ZNF541: variants seen among roughly 807,000 people sequenced by gnomAD.
ZNF541 encodes the protein zinc finger protein 541.
ZNF541 carries 23 observed loss-of-function variants against 123.5 expected under a neutral mutation model. The observed-to-expected ratio is 0.19, with a 90% CI of 0.13 to 0.26. The LOEUF is 0.26. Ranked by LOEUF, ZNF541 falls within the 10% of genes least tolerant of loss-of-function variation. The probability of loss-of-function intolerance (pLI) is 1.00; values close to 1 mark genes in which losing one functional copy is unlikely to be tolerated. For missense variants in ZNF541, 1,612 were observed against 1,789.9 expected (o/e 0.90, Z 1.79); for synonymous variants, 751 against 754.5 (o/e 1.00, Z 0.08).
intron 10 of ZNF541, 21 bp downstream of exon 10, chr19:47,532,888 A>C: frequency 6.5e-7 from 1 of 1,548,360 alleles, no homozygotes; most frequent in Non-Finnish European, 8.7e-7. Context: ...AAGCAGCTTC[A>C]CTGGAAAGGA....
intron 8 of ZNF541, 122 bp from the exon 9 acceptor site, chr19:47,538,561 C>T (rs1313927795): frequency 9.2e-7 from 1 of 1,092,864 alleles, no homozygotes; most frequent in South Asian, 1.8e-5. Flanking sequence ...GAAATGCACG[C>T]CCGGCAAAGG....
At position 47,544,426 on chromosome 19, in the gene ZNF541, G is replaced by A. The variant is rs1258880317; in HGVS notation, c.2103C>T (p.Thr701=). 4 of 1,551,500 alleles carry A rather than the reference G, an allele frequency of 2.6e-6. No homozygotes were observed. In the Admixed American group the frequency reaches 7.8e-5, roughly 30 times the overall value. The change falls in exon 5 of 17, where the codon ACC becomes ACT. Residue 701 remains threonine, a synonymous_variant. Coordinates refer to ENST00000391901, the MANE Select transcript of ZNF541 (RefSeq NM_001277075.3). ...DIFPSTGQRQ[T]QLGGEEPPGA... is the part of the protein sequence containing the mutation. Reference sequence around the variant, plus strand: ...CTGGTGGCTCCTCCCCACCTAACTGGGTCTGCCGTTGGCCTGTGGAGGGGA... The same window carrying A: ...CTGGTGGCTCCTCCCCACCTAACTGAGTCTGCCGTTGGCCTGTGGAGGGGA...
Position 47,545,336 on chromosome 19 carries a change from C to G in ZNF541, c.1193G>C (p.Arg398Pro). 6.5e-7 allele frequency: 1 copy of G among 1,547,374 alleles called. No individual in the cohort carries two copies. Among genetic ancestry groups the G allele is most frequent in the Non-Finnish European group, 8.7e-7 (1 of 1,145,616 alleles). Residue 398 changes from arginine (R) to proline (P), a missense_variant, in exon 5 of 17, where the codon CGA (arginine) becomes CCA (proline). Physicochemically the swap from Arg to Pro is moderately radical, Grantham distance 103 (BLOSUM62 -2). Coordinates refer to ENST00000391901, the MANE Select transcript of ZNF541 (RefSeq NM_001277075.3). The surrounding 1 kb of genome is among the most constrained non-coding windows in gnomAD (Gnocchi z 7.5). Reference protein sequence around the residue: ...GSVPACLPLFRGQTVPASSQP... With the variant: ...GSVPACLPLFPGQTVPASSQP... ...GGAACTGGCAGGGACCGTCTGGCCT[C>G]GGAAGAGAGGCAGGCAGGCAGGCAC...
At chr19:47,523,565 G>A (rs918182394) in intron 14 of ZNF541, among the ~76,000 whole-genome samples, 1 of 152,060 alleles carries the variant, frequency 6.6e-6, no homozygotes, top group African/African-American at 2.4e-5. Context: ...GAACAAGATG[G>A]AGCAACAGAA....
At chr19:47,542,217 A>G (rs2123098532) in intron 5 of ZNF541, among the ~76,000 whole-genome samples, 1 of 152,300 alleles carries the variant, frequency 6.6e-6, no homozygotes, top group African/African-American at 2.4e-5. Flanking sequence ...CGTGGCTGCC[A>G]GGCCCTGGGG....
Position 47,544,963 on chromosome 19 carries a change from C to T in ZNF541, c.1566G>A (p.Gln522=), listed in dbSNP as rs1970263277. Residue 522 remains glutamine, a synonymous_variant, in exon 5 of 17, where the codon CAG becomes CAA. Coordinates refer to ENST00000391901, the MANE Select transcript of ZNF541 (RefSeq NM_001277075.3). ...GGAGCCCGCCTGCCTTCTGGGCCTC[C>T]TGGAGGCCGGGCTCCCCGGGGTTCT... is the stretch of plus-strand genomic sequence containing the variant. The part of the protein sequence containing the change: ...LCQNPGEPGL[Q]EAQKAGGLPA... 1.3e-6 allele frequency: 2 copies of T among 1,533,826 alleles called. No homozygotes were observed. The highest frequency in any genetic ancestry group is 2.4e-5 in the South Asian group (2 of 83,916).
At chr19:47,550,645 T>C (rs1369093728) in intron 3 of ZNF541, among the ~76,000 whole-genome samples, 1 of 152,190 alleles carries the variant, frequency 6.6e-6, no homozygotes, top group African/African-American at 2.4e-5. Flanking sequence ...TCTTCAAATA[T>C]CTGAAGGGCC....
chr19:47,521,054 G>T lies in ZNF541; in HGVS notation c.*170C>A. On this transcript the variant is annotated 3_prime_UTR_variant, in exon 17 of 17. Coordinates refer to ENST00000391901, the MANE Select transcript of ZNF541 (RefSeq NM_001277075.3). The surrounding 1 kb of genome is among the most constrained non-coding windows in gnomAD (Gnocchi z 4.2). ...GGGACTGCATAGCTGTCCGACAACT[G>T]AGCTCCTCCTGCCTATCTGTGGCCA... The T allele has an allele frequency of 1.3e-6, 1 of 757,314 alleles. No homozygotes were observed. Among genetic ancestry groups the T allele is most frequent in the Non-Finnish European group, 2.1e-6 (1 of 480,084 alleles). The allele number at this position is 757,314 out of a possible 1,614,324, so 46.9% of individuals were successfully genotyped here.
At chr19:47,542,394 G>T (rs1388549453) in intron 5 of ZNF541, among the ~76,000 whole-genome samples, 1 of 152,150 alleles carries the variant, frequency 6.6e-6, no homozygotes, top group Non-Finnish European at 1.5e-5. Context: ...CATGACTCAT[G>T]CCTGTAATCT....
intron 14 of ZNF541, among the ~76,000 whole-genome samples, chr19:47,524,994 A>G (rs1029205301): frequency 2.0e-5 from 3 of 151,762 alleles, no homozygotes; most frequent in Non-Finnish European, 2.9e-5. Context: ...TAGAATGTCA[A>G]CTCTCCTTGG....
chr19:47,524,976 A>G (rs1969217311), intron 14 of ZNF541, among the ~76,000 whole-genome samples: 1 of 152,066 alleles, frequency 6.6e-6, no homozygotes, highest in Admixed American at 6.6e-5. Context: ...TCAGAAACTG[A>G]ATGTTGTTAG....
At chr19:47,526,722 T>C (rs537393720) in intron 14 of ZNF541, among the ~76,000 whole-genome samples, 31 of 152,248 alleles carry the variant, frequency 2.0e-4, no homozygotes, top group African/African-American at 7.5e-4. Context: ...TAGAAATCTC[T>C]TTTCCTGCCG....
chr19:47,559,052 GA>G (rs890858978), intron 2 of ZNF541, among the ~76,000 whole-genome samples: 1 of 148,518 alleles, frequency 6.7e-6, no homozygotes, highest in Non-Finnish European at 1.5e-5. Flanking sequence ...CCAAGAAACA[GA>G]ATTTCTGAAT....
chr19:47,530,335 ATTT>A (rs10586987), intron 12 of ZNF541, among the ~76,000 whole-genome samples: 36,336 of 131,766 alleles, frequency 0.28, 7,474 homozygotes, highest in African/African-American at 0.62. Flanking sequence ...CTCCCTGCTA[ATTT>A]TTTTTTTTTT....
In ZNF541 at chr19:47,540,927, G is replaced by T. The variant is rs867999809; in HGVS notation, c.2428C>A (p.His810Asn). The T allele has an allele frequency of 6.4e-7, 1 of 1,550,986 alleles. No homozygotes were observed. The highest frequency in any genetic ancestry group is 2.4e-5 in the East Asian group (1 of 40,900). ...IQGGNIYRLP[H>N]PVKEENVAGR... is the part of the protein sequence containing the mutation. ...GCCACATTCTCTTCCTTCACCGGAT[G>T]GGGGAGCCTGTAGATGTTTCCACCC... The change falls in exon 6 of 17, where the codon CAT (histidine) becomes AAT (asparagine). Residue 810 changes from histidine (H) to asparagine (N), a missense_variant. By Grantham distance (68) the His-to-Asn change is moderately conservative (BLOSUM62 1). Around this residue, in one of 5 missense-constraint regions of ZNF541, gnomAD observed 1,080 missense variants for 1,013.8 expected, o/e 1.07. Transcript: ENST00000391901.
At position 47,540,853 on chromosome 19, in the gene ZNF541, C is replaced by T. The variant is rs1188305471; in HGVS notation, c.2462+40G>A. The T allele has an allele frequency of 6.5e-6, 10 of 1,546,836 alleles. No individual in the cohort carries two copies. In the Admixed American group the frequency reaches 1.6e-4, roughly 25 times the overall value. ...CCGGCACAGGAAGGCCAGAGGACTC[C>T]TGCCAGGGTGCATGCAGGATCGGGG... is the stretch of plus-strand genomic sequence containing the variant. On this transcript the variant is annotated intron_variant, in intron 6 of 16. Transcript: ENST00000391901.
rs1320099275 is a variant in ZNF541, at chr19:47,544,556, G to A, written c.1973C>T (p.Thr658Met). The stretch of plus-strand genomic sequence containing the variant: ...GTCCAGAGACGGTGCTGCAAGGGGC[G>A]TTGGAACCGCGGCCACTTTCAGTCC... The part of the protein sequence containing the change: ...KGGLKVAAVP[T>M]PLAAPSLDPS... The change falls in exon 5 of 17, where the codon ACG (threonine) becomes ATG (methionine). Residue 658 changes from threonine (T) to methionine (M), a missense_variant. Thr to Met is a moderately conservative substitution (Grantham distance 81, BLOSUM62 -1). This residue lies in a region of ZNF541 where 1,080 missense variants were observed against 1,013.8 expected (regional missense o/e 1.07). Coordinates refer to ENST00000391901, the MANE Select transcript of ZNF541 (RefSeq NM_001277075.3). The A allele has an allele frequency of 1.3e-6, 2 of 1,551,502 alleles. No homozygotes were observed. The highest frequency in any genetic ancestry group is 1.7e-6 in the Non-Finnish European group (2 of 1,146,952).
chr19:47,544,166 T>A lies in ZNF541; in HGVS notation c.2363A>T (p.Asp788Val). Residue 788 changes from aspartate to valine, a missense_variant, in exon 5 of 17, where the codon GAT becomes GTT. By Grantham distance (152) the Asp-to-Val change is radical. Around this residue, in one of 5 missense-constraint regions of ZNF541, gnomAD observed 1,080 missense variants for 1,013.8 expected, o/e 1.07. Coordinates refer to ENST00000391901, the MANE Select transcript of ZNF541 (RefSeq NM_001277075.3). Reference sequence around the variant, plus strand: ...TATTGTCAGCTTGGACTTGGAGGGATCTGCCGGGGGCCCGGCCGATGAGAA... The same window carrying A: ...TATTGTCAGCTTGGACTTGGAGGGAACTGCCGGGGGCCCGGCCGATGAGAA... ...ASFSSAGPPA[D>V]PSKSKLTIFS... 1 of 1,551,508 alleles carries A rather than the reference T, an allele frequency of 6.4e-7. No individual in the cohort carries two copies. The highest frequency in any genetic ancestry group is 8.7e-7 in the Non-Finnish European group (1 of 1,146,894).
intron 13 of ZNF541, among the ~76,000 whole-genome samples, chr19:47,529,329 CT>C (rs1293756308): frequency 2.6e-5 from 4 of 152,222 alleles, no homozygotes; most frequent in African/African-American, 4.8e-5. Context: ...TTCCCTCCCC[CT>C]GGCCATGATC....
Sources: allele counts gnomAD v4.1 joint callset (sites outside exome capture counted in the v4.1 genomes callset), GRCh38; gene constraint gnomAD v4.1.1; regional missense constraint gnomAD v4.1.1; non-coding constraint Gnocchi (gnomAD v3.1); transcripts MANE v1.5; gene names NCBI Gene and HGNC (gene_info 2026-07-23, HGNC 2026-07-21).